The following AVL9 variants were observed in gnomAD, a reference collection of about 807,000 sequenced individuals.
The protein encoded by AVL9 is late secretory pathway protein AVL9 homolog.
Under a neutral mutation model 79.2 loss-of-function variants are expected in AVL9, and 49 were observed. The observed-to-expected ratio is 0.62, with a 90% CI of 0.49 to 0.79. The LOEUF is 0.79. Among genes scored for constraint, AVL9 ranks in the 30% least tolerant of loss-of-function variants. The pLI is 0.00. For missense variants in AVL9, 682 were observed against 776.8 expected (o/e 0.88, Z 1.45); for synonymous variants, 299 against 280.6 (o/e 1.07, Z -0.65).
intron 10 of AVL9, among the ~76,000 whole-genome samples, chr7:32,564,076 A>C (rs1181495763): frequency 6.6e-6 from 1 of 152,152 alleles, no homozygotes; most frequent in African/African-American, 2.4e-5. Context: ...TATTGTGAAG[A>C]TATCAAGAGG....
At chr7:32,542,397 A>C (rs1485398144) in intron 1 of AVL9, among the ~76,000 whole-genome samples, 1 of 151,062 alleles carries the variant, frequency 6.6e-6, no homozygotes, top group East Asian at 1.9e-4. Flanking sequence ...AAAAAAAAAA[A>C]AAAAAAAAAT....
intron 1 of AVL9, among the ~76,000 whole-genome samples, chr7:32,504,888 T>C (rs1787335909): frequency 6.6e-6 from 1 of 152,082 alleles, no homozygotes; most frequent in Non-Finnish European, 1.5e-5. Flanking sequence ...TTATTTATTT[T>C]TTTGAGACGG....
chr7:32,579,461 T>TA (rs1791304134), intron 13 of AVL9, among the ~76,000 whole-genome samples: 4 of 9,020 alleles, frequency 4.4e-4, no homozygotes, highest in African/African-American at 2.4e-3. Context: ...TTATATATTA[T>TA]ATATAATATA....
intron 10 of AVL9, among the ~76,000 whole-genome samples, chr7:32,568,032 T>G (rs1583589030): frequency 6.6e-6 from 1 of 151,588 alleles, no homozygotes; most frequent in Non-Finnish European, 1.5e-5. Context: ...TTTTTTAATT[T>G]AATTTTTCTT....
intron 1 of AVL9, among the ~76,000 whole-genome samples, chr7:32,511,957 T>C (rs1386051088): frequency 6.6e-6 from 1 of 152,172 alleles, no homozygotes; most frequent in Non-Finnish European, 1.5e-5. Context: ...TGAGACCGAC[T>C]CCAGCATTTA....
intron 1 of AVL9, among the ~76,000 whole-genome samples, chr7:32,518,475 T>C (rs990938583): frequency 1.3e-5 from 2 of 151,986 alleles, no homozygotes; most frequent in African/African-American, 2.4e-5. Flanking sequence ...TAGGAAAACA[T>C]TGTTTCAAAA....
In AVL9 at chr7:32,580,202, TC is replaced by T. The variant is rs111486433; in HGVS notation, c.1689-16del. On this transcript the variant is annotated splice_polypyrimidine_tract_variant and intron_variant, in intron 13 of 15. Transcript: ENST00000318709. ...TTGGTAAAATACTGATAGTTTAAAC[TC>T]AAACTTTTTTTACAGCCATCCATTT... 1.9e-6 allele frequency: 3 copies of T among 1,606,674 alleles called. No homozygotes were observed. Among genetic ancestry groups the T allele is most frequent in the African/African-American group, 1.3e-5 (1 of 74,614 alleles).
chr7:32,582,417 C>T (rs78148464), intron 15 of AVL9, among the ~76,000 whole-genome samples: 2,249 of 152,264 alleles, frequency 0.015, 48 homozygotes, highest in African/African-American at 0.051. Context: ...CAACACACAG[C>T]GCTACCACTA....
intron 1 of AVL9, among the ~76,000 whole-genome samples, chr7:32,527,472 A>G (rs968763682): frequency 6.6e-6 from 1 of 152,204 alleles, no homozygotes; most frequent in African/African-American, 2.4e-5. Flanking sequence ...ACAGTAGCTC[A>G]GTGCATACAA....
chr7:32,524,645 T>C (rs1281956782), intron 1 of AVL9, among the ~76,000 whole-genome samples: 1 of 151,596 alleles, frequency 6.6e-6, no homozygotes, highest in Non-Finnish European at 1.5e-5. Flanking sequence ...AAATCTGCTC[T>C]TTGAGAAATG....
Position 32,583,972 on chromosome 7 carries a change from C to A in AVL9, c.*65C>A. 1 of 1,141,450 alleles carries A rather than the reference C, an allele frequency of 8.8e-7. No homozygotes were observed. The highest frequency in any genetic ancestry group is 1.3e-6 in the Non-Finnish European group (1 of 754,978). 70.7% of individuals were successfully genotyped at this position (1,141,450 alleles called of 1,614,324 possible). ...GTGTCCCCTGTCTGTCTGCTGCTCC[C>A]AGGCTGTTACTAGCCACAGATCCAC... On this transcript the variant is annotated 3_prime_UTR_variant, in exon 16 of 16. Coordinates refer to ENST00000318709, the MANE Select transcript of AVL9 (RefSeq NM_015060.3).
chr7:32,529,583 A>G (rs999109240), intron 1 of AVL9, among the ~76,000 whole-genome samples: 1 of 152,210 alleles, frequency 6.6e-6, no homozygotes, highest in Non-Finnish European at 1.5e-5. Context: ...AAGTTAAGCA[A>G]TGGCCAGTGA....
intron 8 of AVL9, among the ~76,000 whole-genome samples, chr7:32,555,268 G>A (rs1167383223): frequency 6.6e-6 from 1 of 152,176 alleles, no homozygotes; most frequent in Non-Finnish European, 1.5e-5. Flanking sequence ...GCTTGAGCTT[G>A]GGAGGTAGAG....
intron 1 of AVL9, among the ~76,000 whole-genome samples, chr7:32,503,684 CTT>C (rs79754339): frequency 8.2e-5 from 12 of 147,100 alleles, no homozygotes; most frequent in Admixed American, 4.8e-4. Flanking sequence ...CTACAAGGTT[CTT>C]TTTTTTTTTG....
intron 7 of AVL9, among the ~76,000 whole-genome samples, 194 bp from the exon 8 acceptor site, chr7:32,554,364 A>T (rs916357853): frequency 6.6e-6 from 1 of 152,208 alleles, no homozygotes; most frequent in Non-Finnish European, 1.5e-5. Context: ...TTTCAGTTAG[A>T]GATTTAAGTG....
At chr7:32,578,711 A>AG (rs1791212345) in intron 13 of AVL9, among the ~76,000 whole-genome samples, 1 of 152,264 alleles carries the variant, frequency 6.6e-6, no homozygotes, top group South Asian at 2.1e-4. Flanking sequence ...CAGGAGGCTG[A>AG]GGCAGGAGAA....
chr7:32,519,644 T>C, intron 1 of AVL9, among the ~76,000 whole-genome samples: 1 of 151,762 alleles, frequency 6.6e-6, no homozygotes, highest in Non-Finnish European at 1.5e-5. Flanking sequence ...AAAATAGTAG[T>C]AATATTAAAG....
intron 1 of AVL9, among the ~76,000 whole-genome samples, chr7:32,509,771 A>G (rs1187443451): frequency 6.6e-6 from 1 of 152,154 alleles, no homozygotes; most frequent in Non-Finnish European, 1.5e-5. Flanking sequence ...GAATCACTTG[A>G]ACTGAGAGGT....
chr7:32,522,352 GA>G (rs1481254357), intron 1 of AVL9, among the ~76,000 whole-genome samples: 1 of 152,206 alleles, frequency 6.6e-6, no homozygotes, highest in Non-Finnish European at 1.5e-5. Flanking sequence ...AAGACCATGG[GA>G]ACTCACCTCT....
Sources: allele counts gnomAD v4.1 joint callset (sites outside exome capture counted in the v4.1 genomes callset), GRCh38; gene constraint gnomAD v4.1.1; transcripts MANE v1.5; gene names NCBI Gene and HGNC (gene_info 2026-07-23, HGNC 2026-07-21).